Variants in PRR16 observed in about 807,000 individuals in gnomAD.
The protein encoded by PRR16 is protein Largen.
Under a neutral mutation model 18.2 loss-of-function variants are expected in PRR16, and 6 were observed. The ratio of observed to expected loss-of-function variants is 0.33; its 90% CI spans 0.18 to 0.65. The LOEUF (loss-of-function observed/expected upper bound fraction) is 0.65. PRR16 is among the 30% of genes least tolerant of loss of function. PRR16 has a pLI of 0.74. For synonymous variants in PRR16, 151 were observed against 147.8 expected (o/e 1.02, Z -0.16); for missense variants, 412 against 376.6 (o/e 1.09, Z -0.78).
At chr5:120,733,139 T>C in the PRR16 span, among the ~76,000 whole-genome samples, 2 of 152,136 alleles carry the variant, frequency 1.3e-5, no homozygotes, top group African/African-American at 4.8e-5. Context: ...TTTGGAGTTG[T>C]ATATCCATTT....
the PRR16 span, chr5:120,790,316 CTG>C: frequency 1.3e-5 from 2 of 152,164 alleles, no homozygotes; most frequent in East Asian, 3.8e-4. Context: ...TGGAAATAAA[CTG>C]TTCCCAGATG....
chr5:120,716,345 T>A, the PRR16 span, among the ~76,000 whole-genome samples: 2 of 152,260 alleles, frequency 1.3e-5, no homozygotes, highest in South Asian at 2.1e-4. Flanking sequence ...TTTTAACTCT[T>A]CTCATTTTGC....
intron 1 of PRR16, among the ~76,000 whole-genome samples, chr5:120,505,114 CCT>C (rs1750597812): frequency 1.3e-5 from 2 of 152,096 alleles, no homozygotes; most frequent in African/African-American, 4.8e-5. Context: ...TTAATCCTCC[CCT>C]CTTTTCCTTC....
chr5:120,655,571 C>T (rs1755941174), intron 1 of PRR16, among the ~76,000 whole-genome samples: 1 of 151,592 alleles, frequency 6.6e-6, no homozygotes, highest in African/African-American at 2.4e-5. Context: ...CTTCATTTTC[C>T]CCCAAAATAT....
intron 1 of PRR16, among the ~76,000 whole-genome samples, chr5:120,503,852 G>A (rs866845217): frequency 1.6e-4 from 23 of 147,650 alleles, no homozygotes; most frequent in Middle Eastern, 3.5e-3. Context: ...ATGTGTTCTC[G>A]TTGTTCAATT....
At chr5:120,561,746 T>C (rs1460130172) in intron 1 of PRR16, among the ~76,000 whole-genome samples, 1 of 152,166 alleles carries the variant, frequency 6.6e-6, no homozygotes, top group African/African-American at 2.4e-5. Context: ...TCTCCCATAC[T>C]ATTCTCATGA....
the PRR16 span, among the ~76,000 whole-genome samples, chr5:120,702,409 G>A: frequency 1.3e-5 from 2 of 151,774 alleles, no homozygotes; most frequent in African/African-American, 4.8e-5. Flanking sequence ...GAGTGAAGGA[G>A]AAGGGGTTGA....
the PRR16 span, among the ~76,000 whole-genome samples, chr5:120,767,401 A>G: frequency 6.6e-6 from 1 of 152,020 alleles, no homozygotes; most frequent in East Asian, 1.9e-4. Flanking sequence ...AAAATACTGT[A>G]TTTCACAATC....
At chr5:120,673,481 G>A (rs1477019165) in intron 1 of PRR16, among the ~76,000 whole-genome samples, 2 of 152,148 alleles carry the variant, frequency 1.3e-5, no homozygotes, top group African/African-American at 2.4e-5. Context: ...ACATCATTTA[G>A]TGTTTCGATT....
chr5:120,769,977 T>C, the PRR16 span, among the ~76,000 whole-genome samples: 1 of 151,864 alleles, frequency 6.6e-6, no homozygotes, highest in Non-Finnish European at 1.5e-5. Context: ...CGTCTTTTCT[T>C]ACAGCTGTTG....
intron 1 of PRR16, among the ~76,000 whole-genome samples, chr5:120,512,604 C>T (rs1210209159): frequency 1.3e-5 from 2 of 152,080 alleles, no homozygotes; most frequent in African/African-American, 2.4e-5. Flanking sequence ...TGGGAATGTT[C>T]GTAAAGATCT....
At chr5:120,779,520 C>T in the PRR16 span, among the ~76,000 whole-genome samples, 1 of 152,142 alleles carries the variant, frequency 6.6e-6, no homozygotes. Context: ...CTGAATCCCC[C>T]ACTTCCTCAG....
chr5:120,678,791 C>T (rs1240584735), intron 1 of PRR16, among the ~76,000 whole-genome samples: 1 of 152,028 alleles, frequency 6.6e-6, no homozygotes, highest in Non-Finnish European at 1.5e-5. Flanking sequence ...TTTCTCTTAT[C>T]TAATTGCTCT....
chr5:120,521,589 G>A (rs1378715714), intron 1 of PRR16, among the ~76,000 whole-genome samples: 2 of 152,058 alleles, frequency 1.3e-5, no homozygotes, highest in African/African-American at 4.8e-5. Context: ...ATTGTGCAAT[G>A]ATCAAATCAG....
intron 1 of PRR16, among the ~76,000 whole-genome samples, chr5:120,658,843 A>T (rs1756075822): frequency 6.6e-6 from 1 of 151,984 alleles, no homozygotes; most frequent in South Asian, 2.1e-4. Flanking sequence ...AAATCAAATT[A>T]TCTTGCACTT....
chr5:120,508,801 T>G (rs1232367230), intron 1 of PRR16, among the ~76,000 whole-genome samples: 1 of 152,152 alleles, frequency 6.6e-6, no homozygotes, highest in African/African-American at 2.4e-5. Context: ...TATCATACAA[T>G]TATATACTTT....
intron 1 of PRR16, among the ~76,000 whole-genome samples, chr5:120,514,880 G>A (rs566445255): frequency 6.6e-6 from 1 of 151,968 alleles, no homozygotes; most frequent in African/African-American, 2.4e-5. Flanking sequence ...TTTTTTTCTA[G>A]CCTGCTCTTC....
chr5:120,698,089 T>C, the PRR16 span, among the ~76,000 whole-genome samples: 1 of 152,054 alleles, frequency 6.6e-6, no homozygotes, highest in Non-Finnish European at 1.5e-5. Context: ...GTTGAATTGT[T>C]GGGGCGGCGA....
At chr5:120,785,572 G>GTTTTTTTTTTTTTTTTTTTTTTTTT in the PRR16 span, among the ~76,000 whole-genome samples, 72 of 119,930 alleles carry the variant, frequency 6.0e-4, 12 homozygotes, top group Non-Finnish European at 7.9e-4. Flanking sequence ...TTTTGTTGTT[G>GTTTTTTTTTTTTTTTTTTTTTTTTT]TTGTTTTTTT....
Sources: gnomAD v4.1 joint callset for allele counts (sites outside exome capture counted in the v4.1 genomes callset) on GRCh38, gnomAD v4.1.1 for gene constraint, MANE v1.5 for transcripts, NCBI Gene and HGNC (gene_info 2026-07-23, HGNC 2026-07-21) for gene names.